Variants in D2HGDH observed in about 807,000 individuals in gnomAD.
The protein encoded by D2HGDH is D-2-hydroxyglutarate dehydrogenase, also known as D-2-hydroxyglutarate dehydrogenase, mitochondrial.
Under a neutral mutation model 46.9 loss-of-function variants are expected in D2HGDH, and 31 were observed. That is an observed-to-expected ratio of 0.66 (90% CI 0.50 to 0.89). The LOEUF is 0.89. Among genes scored for constraint, D2HGDH ranks in the 40% least tolerant of loss-of-function variants. The pLI is 0.00. For missense variants in D2HGDH, 698 were observed against 720.8 expected, an observed-to-expected ratio of 0.97 and a Z score of 0.36; for synonymous variants, 364 against 332.6, an observed-to-expected ratio of 1.09 and a Z score of -1.03.
At chr2:241,753,904 G>A (rs753822973) in intron 8 of D2HGDH, among the ~76,000 whole-genome samples, 3 of 152,238 alleles carry the variant, frequency 2.0e-5, no homozygotes, top group Non-Finnish European at 4.4e-5. Flanking sequence ...TCAGAGCCAG[G>A]AAGCGCCGGG....
chr2:241,741,033 G>T lies in D2HGDH; in HGVS notation c.293G>T (p.Gly98Val). The change falls in exon 3 of 10, where the codon GGC becomes GTC. Residue 98 changes from glycine to valine, a missense_variant and splice_region_variant. Physicochemically the swap from Gly to Val is moderately radical, Grantham distance 109. Transcript: ENST00000321264. ...PNVDWLRTLR[G>V]CSKVLLRPRT... The stretch of plus-strand genomic sequence containing the variant: ...TCATAGGATCTTCTTCCTGTCACAG[G>T]CTGTAGCAAGGTGCTGCTGAGGCCA... 7 of 1,613,894 alleles carry T rather than the reference G, an allele frequency of 4.3e-6. No individual in the cohort carries two copies. The highest frequency in any genetic ancestry group is 1.1e-5 in the South Asian group (1 of 91,044).
chr2:241,734,944 G>C, intron 1 of D2HGDH, 189 bp from the exon 2 acceptor site: 1 of 401,896 alleles, frequency 2.5e-6, no homozygotes, highest in Non-Finnish European at 4.4e-6. Flanking sequence ...CCCCGAGCCT[G>C]CGCGTCGCTA....
At chr2:241,748,811 G>T in intron 6 of D2HGDH, 1 of 1,173,922 alleles carries the variant, frequency 8.5e-7, no homozygotes. Context: ...TGGATCGGTG[G>T]TTCCTCTTCA....
intron 7 of D2HGDH, among the ~76,000 whole-genome samples, chr2:241,750,802 C>T (rs1471910218): frequency 6.6e-6 from 1 of 152,070 alleles, no homozygotes; most frequent in East Asian, 1.9e-4. Context: ...CAGCAGCCTC[C>T]ACCTCCCGGG....
chr2:241,747,402 GC>G, intron 6 of D2HGDH, among the ~76,000 whole-genome samples: 1 of 152,000 alleles, frequency 6.6e-6, no homozygotes, highest in South Asian at 2.1e-4. Flanking sequence ...GTTTGCTTTT[GC>G]TTTTGCTTTT....
chr2:241,767,966 C>T lies in D2HGDH; in HGVS notation c.1563C>T (p.Ala521=). ...CCTACAAGACGCTGCCCAGCCAGGC[C>T]TGACGGCCACTCCTGCTGCTGCCAA... ...LNPYKTLPSQ[A] The change falls in exon 10 of 10, where the codon GCC becomes GCT. Residue 521 remains alanine, a synonymous_variant. Coordinates refer to ENST00000321264, the MANE Select transcript of D2HGDH (RefSeq NM_152783.5). 6.3e-7 allele frequency: 1 copy of T among 1,588,024 alleles called. No individual in the cohort carries two copies. The highest frequency in any genetic ancestry group is 8.5e-7 in the Non-Finnish European group (1 of 1,171,074).
At chr2:241,754,862 C>T (rs1697908989) in intron 8 of D2HGDH, 1 of 510,112 alleles carries the variant, frequency 2.0e-6, no homozygotes, top group Admixed American at 4.1e-5. Context: ...CTCAGCCTCC[C>T]AAAGCTCTGG....
intron 2 of D2HGDH, among the ~76,000 whole-genome samples, chr2:241,738,238 G>A (rs753954156): frequency 6.6e-6 from 1 of 152,202 alleles, no homozygotes. Context: ...CCCAGGGCCT[G>A]TGGGCTCACG....
rs534613884 is a variant in D2HGDH at position 241,768,245 on chromosome 2, C to T, written c.*276C>T. 104 of 503,592 alleles carry T rather than the reference C, an allele frequency of 2.1e-4. No individual in the cohort carries two copies. The highest frequency in any genetic ancestry group is 3.3e-4 in the Non-Finnish European group (93 of 284,190). 31.2% of individuals were successfully genotyped at this position (503,592 alleles called of 1,614,324 possible). On this transcript the variant is annotated 3_prime_UTR_variant, in exon 10 of 10. Coordinates refer to ENST00000321264, the MANE Select transcript of D2HGDH (RefSeq NM_152783.5). The stretch of plus-strand genomic sequence containing the variant: ...GCCGGGGTGGCGGCAGCTTTGCCCA[C>T]GTGGAAGCGGGGTGGGTCTCACTTG...
Position 241,742,088 on chromosome 2 carries a change from G to A in D2HGDH, c.351-347G>A, listed in dbSNP as rs905594398. ...ATGCAGGCAGAGGGTGGAAGGCAGT[G>A]GGGGCAGTGCGGTCGAGGAACCCTG... On this transcript the variant is annotated intron_variant, in intron 3 of 9. Coordinates refer to ENST00000321264, the MANE Select transcript of D2HGDH (RefSeq NM_152783.5). The surrounding 1 kb of genome is among the most constrained non-coding windows in gnomAD (Gnocchi z 4.8). 6.6e-6 allele frequency among the ~76,000 whole-genome samples: 1 copy of A among 152,132 alleles called. No individual in the cohort carries two copies. The highest frequency in any genetic ancestry group is 2.4e-5 in the African/African-American group (1 of 41,416).
At chr2:241,745,864 C>A (rs993042160) in intron 6 of D2HGDH, among the ~76,000 whole-genome samples, 2 of 152,152 alleles carry the variant, frequency 1.3e-5, no homozygotes, top group South Asian at 4.1e-4. Context: ...TTTCTTTTAT[C>A]CCGGTGGAAA....
chr2:241,764,899 T>A (rs1699145480), intron 9 of D2HGDH, among the ~76,000 whole-genome samples: 1 of 152,224 alleles, frequency 6.6e-6, no homozygotes. Context: ...CCCAGCCTCT[T>A]CTCTGAGCCG....
At chr2:241,738,221 AC>A (rs1693469338) in intron 2 of D2HGDH, among the ~76,000 whole-genome samples, 1 of 152,158 alleles carries the variant, frequency 6.6e-6, no homozygotes, top group Non-Finnish European at 1.5e-5. Context: ...CTGAGTGCAC[AC>A]CATGGCCCAG....
intron 9 of D2HGDH, among the ~76,000 whole-genome samples, chr2:241,760,633 C>A (rs1370057688): frequency 3.3e-5 from 5 of 151,134 alleles, no homozygotes; most frequent in Non-Finnish European, 4.4e-5. Context: ...CAGTCGAAGT[C>A]CTTTGCCACA....
At chr2:241,746,511 T>G (rs191892931) in intron 6 of D2HGDH, among the ~76,000 whole-genome samples, 1 of 152,334 alleles carries the variant, frequency 6.6e-6, no homozygotes, top group East Asian at 1.9e-4. Context: ...CCCAGCACTT[T>G]GGGAGGCCAA....
In D2HGDH at chr2:241,768,341, C is replaced by T. The variant is rs1699318400; in HGVS notation, c.*372C>T. 1.3e-5 allele frequency: 3 copies of T among 239,312 alleles called. No individual in the cohort carries two copies. 14.8% of individuals were successfully genotyped at this position (239,312 alleles called of 1,614,324 possible). On this transcript the variant is annotated 3_prime_UTR_variant, in exon 10 of 10. Coordinates refer to ENST00000321264, the MANE Select transcript of D2HGDH (RefSeq NM_152783.5). ...AGGCGCTGGGTGGTGGTTCTGCCTG[C>T]TTGCTGCTCGTTCCCCGGGCATGCG... is the stretch of plus-strand genomic sequence containing the variant.
intron 8 of D2HGDH, among the ~76,000 whole-genome samples, chr2:241,752,235 CA>C (rs1697377015): frequency 6.6e-6 from 1 of 152,152 alleles, no homozygotes; most frequent in Admixed American, 6.5e-5. Context: ...TGCTTCTGGG[CA>C]AAACGGTGTC....
intron 1 of D2HGDH, 37 bp from the exon 2 acceptor site, chr2:241,735,096 G>T: frequency 1.0e-6 from 1 of 999,424 alleles, no homozygotes; most frequent in Non-Finnish European, 1.4e-6. Flanking sequence ...TTTGTACAAC[G>T]TGCATAAAAC....
intron 5 of D2HGDH, 120 bp from the exon 6 acceptor site, chr2:241,744,589 C>T (rs1029271545): frequency 3.2e-6 from 4 of 1,246,680 alleles, no homozygotes; most frequent in Non-Finnish European, 4.7e-6. Flanking sequence ...GAGGAAAGTC[C>T]ATCCTTCAGC....
Sources: allele counts gnomAD v4.1 joint callset (sites outside exome capture counted in the v4.1 genomes callset), GRCh38; gene constraint gnomAD v4.1.1; non-coding constraint Gnocchi (gnomAD v3.1); transcripts MANE v1.5; gene names NCBI Gene and HGNC (gene_info 2026-07-23, HGNC 2026-07-21).